CFAP221: variants seen among roughly 807,000 people sequenced by gnomAD.
The protein encoded by CFAP221 is cilia and flagella associated protein 221, also known as cilia- and flagella-associated protein 221.
A neutral mutation model predicts 113.1 loss-of-function variants in CFAP221; 97 were observed. The observed-to-expected ratio is 0.86, with a 90% confidence interval of 0.73 to 1.02. The LOEUF is 1.02. CFAP221 is among the 50% of genes least tolerant of loss of function. The probability of loss-of-function intolerance (pLI) is 0.00; values close to 1 mark genes in which losing one functional copy is unlikely to be tolerated. For missense variants in CFAP221, 1,025 were observed against 1,013.4 expected (o/e 1.01, Z -0.16); for synonymous variants, 331 against 354.4 (o/e 0.93, Z 0.74).
chr2:119,570,096 G>A (rs1038596038), intron 6 of CFAP221, among the ~76,000 whole-genome samples: 13 of 152,216 alleles, frequency 8.5e-5, no homozygotes, highest in Non-Finnish European at 2.9e-5. Flanking sequence ...AGGAACTGCT[G>A]TAAGCAGACT....
chr2:119,638,401 A>G lies in CFAP221; in HGVS notation c.2117A>G (p.Gln706Arg). The change falls in exon 20 of 24, where the codon CAG becomes CGG. Residue 706 changes from glutamine (Q) to arginine (R), a missense_variant. Coordinates refer to ENST00000413369, the MANE Select transcript of CFAP221 (RefSeq NM_001271049.2). ...HGSSIPVTQKQFLHHTDIIPG... is the reference protein window; with the variant it reads ...HGSSIPVTQKRFLHHTDIIPG... ...TCCAGCATTCCTGTCACCCAAAAGC[A>G]GTTTCTCCATCACACGGTAATGTCA... The G allele has an allele frequency of 6.2e-7, 1 of 1,614,170 alleles. No individual in the cohort carries two copies.
intron 6 of CFAP221, among the ~76,000 whole-genome samples, chr2:119,568,736 A>G (rs1337414395): frequency 6.6e-6 from 1 of 152,136 alleles, no homozygotes; most frequent in Non-Finnish European, 1.5e-5. Flanking sequence ...TATCCAGCCT[A>G]TCATTGATGG....
intron 22 of CFAP221, among the ~76,000 whole-genome samples, chr2:119,648,092 G>T (rs1274774462): frequency 3.3e-5 from 5 of 152,148 alleles, no homozygotes; most frequent in African/African-American, 1.2e-4. Flanking sequence ...AAAAGCAAAT[G>T]AATTACTACA....
intron 19 of CFAP221, among the ~76,000 whole-genome samples, chr2:119,634,108 GAAT>G (rs143860067): frequency 6.6e-6 from 1 of 151,788 alleles, no homozygotes; most frequent in East Asian, 1.9e-4. Context: ...ACCCTGTCTC[GAAT>G]AATAATAATA....
intron 6 of CFAP221, among the ~76,000 whole-genome samples, chr2:119,585,924 T>C (rs954190477): frequency 2.6e-5 from 4 of 152,158 alleles, no homozygotes; most frequent in Non-Finnish European, 4.4e-5. Flanking sequence ...ACAGATGGGT[T>C]CGGATGGGTC....
At chr2:119,652,238 C>T (rs569608751) in intron 23 of CFAP221, among the ~76,000 whole-genome samples, 169 bp downstream of exon 23, 1 of 152,348 alleles carries the variant, frequency 6.6e-6, no homozygotes, top group East Asian at 1.9e-4. Flanking sequence ...GGCACAATTA[C>T]ACTCCCTGAA....
At chr2:119,585,085 C>G (rs935436348) in intron 6 of CFAP221, among the ~76,000 whole-genome samples, 1 of 152,108 alleles carries the variant, frequency 6.6e-6, no homozygotes, top group Non-Finnish European at 1.5e-5. Flanking sequence ...AATTATATAA[C>G]AGAATACTCT....
intron 14 of CFAP221, among the ~76,000 whole-genome samples, chr2:119,623,839 C>T (rs558944763): frequency 6.6e-6 from 1 of 152,272 alleles, no homozygotes; most frequent in East Asian, 1.9e-4. Flanking sequence ...AACTGGACCC[C>T]TTCCTTAACA....
chr2:119,605,641 C>G (rs1684688896), intron 11 of CFAP221, among the ~76,000 whole-genome samples: 1 of 152,172 alleles, frequency 6.6e-6, no homozygotes, highest in Non-Finnish European at 1.5e-5. Flanking sequence ...GTGCCTTGGG[C>G]TGTGTGCCCC....
chr2:119,602,603 C>T (rs999108502), intron 8 of CFAP221: 2 of 984,340 alleles, frequency 2.0e-6, no homozygotes, highest in African/African-American at 3.5e-5. Context: ...GATTTTTCTT[C>T]CTAAAAATTC....
At chr2:119,587,451 TC>T (rs1358218481) in intron 7 of CFAP221, among the ~76,000 whole-genome samples, 2 of 152,210 alleles carry the variant, frequency 1.3e-5, no homozygotes, top group African/African-American at 4.8e-5. Flanking sequence ...CAGAAATTGA[TC>T]CATTCCAATG....
chr2:119,562,207 G>GGATGAACTTCCA, intron 6 of CFAP221, 93 bp downstream of exon 6: 3 of 593,952 alleles, frequency 5.1e-6, no homozygotes, highest in Non-Finnish European at 5.0e-6. Flanking sequence ...CCTAATGGAA[G>GGATGAACTTCCA]TTCATCCTTC....
chr2:119,573,564 G>C (rs566116424), intron 6 of CFAP221: 2 of 152,264 alleles, frequency 1.3e-5, no homozygotes, highest in African/African-American at 4.8e-5. Flanking sequence ...AGCCTAGCTG[G>C]GTGCACCTGT....
intron 23 of CFAP221, among the ~76,000 whole-genome samples, chr2:119,653,750 C>T (rs1249327762): frequency 1.3e-5 from 2 of 152,208 alleles, no homozygotes; most frequent in African/African-American, 4.8e-5. Flanking sequence ...TACCATCTCT[C>T]CTACTGGTAG....
chr2:119,627,890 C>T, intron 16 of CFAP221, 104 bp downstream of exon 16: 1 of 1,434,786 alleles, frequency 7.0e-7, no homozygotes, highest in Non-Finnish European at 9.5e-7. Flanking sequence ...CACCTCCTCC[C>T]AGAGGCTCCA....
intron 19 of CFAP221, among the ~76,000 whole-genome samples, chr2:119,635,695 G>A (rs1687069605): frequency 6.6e-6 from 1 of 152,206 alleles, no homozygotes. Context: ...CTATACATCA[G>A]TACAGCAGTA....
In CFAP221 at chr2:119,638,384, T is replaced by A. The variant is rs972933086; in HGVS notation, c.2100T>A (p.Ile700=). ...FTKESRHGSS[I]PVTQKQFLHH... ...AAGAGTCCCGCCACGGGTCCAGCATTCCTGTCACCCAAAAGCAGTTTCTCC... is the reference window on the plus strand; with the variant it reads ...AAGAGTCCCGCCACGGGTCCAGCATACCTGTCACCCAAAAGCAGTTTCTCC... The change falls in exon 20 of 24, where the codon ATT becomes ATA. Residue 700 remains isoleucine (I), a synonymous_variant. Transcript: ENST00000413369. 6.2e-7 allele frequency: 1 copy of A among 1,614,124 alleles called. No homozygotes were observed. The highest frequency in any genetic ancestry group is 1.3e-5 in the African/African-American group (1 of 75,028).
intron 6 of CFAP221, among the ~76,000 whole-genome samples, chr2:119,586,372 A>C (rs1348129163): frequency 6.6e-6 from 1 of 152,104 alleles, no homozygotes; most frequent in Non-Finnish European, 1.5e-5. Flanking sequence ...GCCCTGATTG[A>C]AGGAGAGGAC....
chr2:119,555,349 T>C (rs1680719051), intron 3 of CFAP221, among the ~76,000 whole-genome samples: 1 of 152,152 alleles, frequency 6.6e-6, no homozygotes, highest in African/African-American at 2.4e-5. Context: ...TGACCAAAAA[T>C]TGAAACACAG....
Sources: allele counts gnomAD v4.1 joint callset (sites outside exome capture counted in the v4.1 genomes callset), GRCh38; gene constraint gnomAD v4.1.1; transcripts MANE v1.5; gene names NCBI Gene and HGNC (gene_info 2026-07-23, HGNC 2026-07-21).